The following BIN1 variants were observed in gnomAD, a reference collection of about 807,000 sequenced individuals.
The protein encoded by BIN1 is bridging integrator 1, also known as myc box-dependent-interacting protein 1.
Under a neutral mutation model 82.0 loss-of-function variants are expected in BIN1, and 53 were observed. That is an observed-to-expected ratio of 0.65 (90% CI 0.52 to 0.81). The LOEUF (loss-of-function observed/expected upper bound fraction) is 0.81, where lower values mean the gene tolerates loss of function less well. BIN1 is among the 40% of genes least tolerant of loss of function. The pLI, the probability that BIN1 is intolerant of heterozygous loss-of-function variation, is 0.00. For missense variants in BIN1, 642 were observed against 784.4 expected (o/e 0.82, Z 2.17); for synonymous variants, 302 against 328.0 (o/e 0.92, Z 0.86).
In BIN1 at chr2:127,070,786, G is replaced by A. The variant is rs767159511; in HGVS notation, c.196C>T (p.Arg66Trp). Residue 66 changes from arginine (R) to tryptophan (W), a missense_variant, in exon 3 of 19, where the codon CGG becomes TGG. By Grantham distance (101) the Arg-to-Trp change is moderately radical. Transcript: ENST00000316724. ...CCTTTGACGGAGGCCAGGTAGGTCC[G>A]GAGATCCTTCTGCAGCCGGGTGCCC... Reference protein sequence around the residue: ...TEGTRLQKDLRTYLASVKAMH... With the variant: ...TEGTRLQKDLWTYLASVKAMH... The A allele has an allele frequency of 1.5e-5, 25 of 1,613,094 alleles. 1 individual carries two copies. The highest frequency in any genetic ancestry group is 8.9e-5 in the East Asian group (4 of 44,850).
At chr2:127,076,264 C>T (rs1220884882) in intron 2 of BIN1, among the ~76,000 whole-genome samples, 3 of 152,164 alleles carry the variant, frequency 2.0e-5, no homozygotes, top group Non-Finnish European at 4.4e-5. Context: ...ATGCTAACCG[C>T]TGCAGATGCC....
chr2:127,048,723 G>A, intron 18 of BIN1, 90 bp from the exon 19 acceptor site: 1 of 1,260,034 alleles, frequency 7.9e-7, no homozygotes, highest in Non-Finnish European at 1.1e-6. Context: ...TGGGAAGACG[G>A]CCCCTCCTCC....
intron 2 of BIN1, among the ~76,000 whole-genome samples, chr2:127,072,570 G>A (rs928478227): frequency 6.6e-6 from 1 of 152,082 alleles, no homozygotes; most frequent in Non-Finnish European, 1.5e-5. Context: ...ACATCCACAG[G>A]GGGAGCTTCA....
chr2:127,107,051 T>C lies in BIN1; in HGVS notation c.-108A>G, dbSNP rs1681255361. On this transcript the variant is annotated 5_prime_UTR_variant, in exon 1 of 19. Coordinates refer to ENST00000316724, the MANE Select transcript of BIN1 (RefSeq NM_139343.3). The surrounding 1 kb of genome is among the most constrained non-coding windows in gnomAD (Gnocchi z 5.9). Reference sequence around the variant, plus strand: ...GCCGCGCGTCCAGACCGGCTGCCGCTCCACGCCGCGCACCCGACAGCGGAG... The same window carrying C: ...GCCGCGCGTCCAGACCGGCTGCCGCCCCACGCCGCGCACCCGACAGCGGAG... 1 of 1,153,340 alleles carries C rather than the reference T, an allele frequency of 8.7e-7. No homozygotes were observed. Among genetic ancestry groups the C allele is most frequent in the Admixed American group, 4.2e-5 (1 of 23,666 alleles). The allele number at this position is 1,153,340 out of a possible 1,614,324, so 71.4% of individuals were successfully genotyped here.
At chr2:127,101,908 T>TG (rs1680400394) in intron 1 of BIN1, among the ~76,000 whole-genome samples, 1 of 152,060 alleles carries the variant, frequency 6.6e-6, no homozygotes, top group African/African-American at 2.4e-5. Flanking sequence ...AGGCCTGTAA[T>TG]GGACACTCTG....
In BIN1 at chr2:127,052,288, C is replaced by T. The variant is rs1440684271; in HGVS notation, c.1338G>A (p.Trp446Ter). The T allele has an allele frequency of 6.3e-7, 1 of 1,583,590 alleles. No homozygotes were observed. The highest frequency in any genetic ancestry group is 1.8e-5 in the Admixed American group (1 of 56,028). Residue 446 changes from tryptophan to a stop codon, truncating the protein, a stop_gained, in exon 15 of 19, where the codon TGG (tryptophan) becomes TGA (stop). Coordinates refer to ENST00000316724, the MANE Select transcript of BIN1 (RefSeq NM_139343.3). LOFTEE classifies it high-confidence loss of function. ...GCCCCGGCTCGGCCGTCTGGCTGGG[C>T]CAGGACACAGCAAAGGTGCCCTCGG... ...SAAEGTFAVS[W>*]PSQTAEPGPA... is the part of the protein sequence containing the mutation.
chr2:127,078,173 C>T lies in BIN1; in HGVS notation c.85-1467G>A, dbSNP rs1686856734. On this transcript the variant is annotated intron_variant, in intron 1 of 18. Transcript: ENST00000316724. The stretch of plus-strand genomic sequence containing the variant: ...CCGGCCCTTGCAGGTCCTGTGCTGC[C>T]CTGCTGCACTTCCCCCCCCAGCCAG... Among the ~76,000 whole-genome samples the T allele has an allele frequency of 2.6e-5, 4 of 152,116 alleles. No homozygotes were observed. The South Asian group carries it at 8.3e-4, about 31-fold the overall frequency.
chr2:127,097,386 GCCCTCCAGGCCCAGCAGCGTCAC>G lies in BIN1; in HGVS notation c.84+9451_84+9473del, dbSNP rs758980657. ...CACTCCTCCAGGCCCAGCAGCGTCAGCCCTCCAGGCCCAGCAGCGTCACCCCTCCAGGCCCAGCAGCGTCAGCC... is the reference window on the plus strand; with the variant it reads ...CACTCCTCCAGGCCCAGCAGCGTCAGCCCTCCAGGCCCAGCAGCGTCAGCC... On this transcript the variant is annotated intron_variant, in intron 1 of 18. Transcript: ENST00000316724. Among the ~76,000 whole-genome samples the G allele has an allele frequency of 1.5e-3, 223 of 149,730 alleles. 1 individual carries two copies. The highest frequency in any genetic ancestry group is 2.5e-3 in the Admixed American group (38 of 15,134).
chr2:127,085,156 G>A (rs577439038), intron 1 of BIN1, among the ~76,000 whole-genome samples: 6 of 152,090 alleles, frequency 3.9e-5, no homozygotes, highest in South Asian at 4.2e-4. Context: ...GGAAAGCTAC[G>A]GGCAGCTGGG....
intron 18 of BIN1, among the ~76,000 whole-genome samples, chr2:127,049,719 G>T (rs1682633606): frequency 6.6e-6 from 1 of 152,196 alleles, no homozygotes; most frequent in Admixed American, 6.5e-5. Flanking sequence ...CAGCGGGGAG[G>T]CTCCTGCCAA....
intron 1 of BIN1, among the ~76,000 whole-genome samples, chr2:127,095,882 C>T (rs1486897268): frequency 1.3e-5 from 2 of 152,170 alleles, no homozygotes; most frequent in Non-Finnish European, 1.5e-5. Flanking sequence ...CCTTCCAGAC[C>T]CAGCCGGACC....
chr2:127,061,699 A>G (rs577122562), intron 10 of BIN1, among the ~76,000 whole-genome samples: 1 of 152,190 alleles, frequency 6.6e-6, no homozygotes, highest in East Asian at 1.9e-4. Flanking sequence ...CAGGGACATG[A>G]GCTTTTCCAG....
intron 1 of BIN1, among the ~76,000 whole-genome samples, chr2:127,099,350 A>ATGTGTGTGTG (rs3033389): frequency 1.3e-5 from 2 of 149,408 alleles, no homozygotes; most frequent in Admixed American, 6.7e-5. Context: ...CCCAGGGTGC[A>ATGTGTGTGTG]TGTGTGTGTG....
In BIN1 at chr2:127,093,656, T is replaced by C. The variant is rs1679223946; in HGVS notation, c.84+13204A>G. 6.6e-6 allele frequency among the ~76,000 whole-genome samples: 1 copy of C among 152,250 alleles called. No homozygotes were observed. The highest frequency in any genetic ancestry group is 2.4e-5 in the African/African-American group (1 of 41,474). On this transcript the variant is annotated intron_variant, in intron 1 of 18. Transcript: ENST00000316724. This position sits in a 1 kb window ranked among gnomAD's most constrained non-coding sequence, Gnocchi z 5.7. ...AAAACAGACAGTTCTCTCTGGTCCT[T>C]GCATCTTCATCGTTGAAGGCTCCCG...
intron 12 of BIN1, chr2:127,054,306 C>T (rs1354801947): frequency 1.1e-5 from 5 of 447,926 alleles, no homozygotes; most frequent in Non-Finnish European, 2.1e-5. Context: ...TAGGTCCGCC[C>T]GTGGCCGCCA....
chr2:127,086,771 G>T lies in BIN1; in HGVS notation c.85-10065C>A, dbSNP rs1009202248. 3.3e-5 allele frequency among the ~76,000 whole-genome samples: 5 copies of T among 151,558 alleles called. No homozygotes were observed. The East Asian group carries it at 7.9e-4, about 24-fold the overall frequency. On this transcript the variant is annotated intron_variant, in intron 1 of 18. Transcript: ENST00000316724. ...TCCACCCGCCTCGACCTCCCAAAGT[G>T]CTAGGATTATAGGCATGAGCCACCG... is the stretch of plus-strand genomic sequence containing the variant.
intron 1 of BIN1, among the ~76,000 whole-genome samples, chr2:127,085,722 C>A (rs1410516712): frequency 1.3e-5 from 2 of 152,210 alleles, no homozygotes; most frequent in African/African-American, 2.4e-5. Flanking sequence ...GGTCCTCCCC[C>A]TCAGCTCACA....
rs78457807 is a variant in BIN1, at chr2:127,067,500, T to C, written c.612+663A>G. Among the ~76,000 whole-genome samples the C allele has an allele frequency of 0.035, 5,387 of 152,220 alleles. 323 individuals carry two copies. The highest frequency in any genetic ancestry group is 0.12 in the African/African-American group (5,131 of 41,520). ...CCTCCGGGAAGCCCCCCAGGAACACTGTGGTGCTGGTCACTTGCCCTCCAT... is the reference window on the plus strand; with the variant it reads ...CCTCCGGGAAGCCCCCCAGGAACACCGTGGTGCTGGTCACTTGCCCTCCAT... On this transcript the variant is annotated intron_variant, in intron 7 of 18. Transcript: ENST00000316724. This position sits in a 1 kb window ranked among gnomAD's most constrained non-coding sequence, Gnocchi z 4.7.
intron 10 of BIN1, among the ~76,000 whole-genome samples, chr2:127,060,144 G>A (rs982584267): frequency 3.9e-5 from 6 of 152,146 alleles, no homozygotes; most frequent in Non-Finnish European, 7.3e-5. Context: ...AAGAGATGTC[G>A]CTGACACCAT....
Sources: allele counts gnomAD v4.1 joint callset (sites outside exome capture counted in the v4.1 genomes callset), GRCh38; gene constraint gnomAD v4.1.1; non-coding constraint Gnocchi (gnomAD v3.1); transcripts MANE v1.5; gene names NCBI Gene and HGNC (gene_info 2026-07-23, HGNC 2026-07-21).